Variants in MSL3B observed in about 807,000 individuals in gnomAD.
The protein encoded by MSL3B is MSL complex subunit 3 pseudogene 1.
the MSL3B span, chr2:233,866,853 G>A: frequency 8.0e-7 from 1 of 1,247,708 alleles, no homozygotes; most frequent in Non-Finnish European, 1.2e-6. Context: ...TTTTTATACT[G>A]AGCTTGTTCA....
the MSL3B span, chr2:233,866,114 T>C: frequency 3.5e-6 from 2 of 566,764 alleles, no homozygotes; most frequent in Middle Eastern, 3.0e-4. Flanking sequence ...GCAGTTGTTC[T>C]TACAGAACCA....
the MSL3B span, chr2:233,868,104 T>C: frequency 6.2e-6 from 2 of 323,416 alleles, no homozygotes; most frequent in African/African-American, 2.2e-5. Flanking sequence ...CGATTTTCAC[T>C]GGGCTCACGA....
the MSL3B span, chr2:233,867,339 C>G: frequency 1.4e-5 from 9 of 641,306 alleles, no homozygotes; most frequent in African/African-American, 1.1e-4. Context: ...TTTTTTTCTT[C>G]GATGGAGAGG....
chr2:233,866,820 G>A, the MSL3B span: 6 of 986,726 alleles, frequency 6.1e-6, no homozygotes, highest in East Asian at 1.4e-4. Flanking sequence ...TTAATTGCAA[G>A]AAAAACCTTA....
At chr2:233,867,097 T>C in the MSL3B span, 16 of 1,055,460 alleles carry the variant, frequency 1.5e-5, no homozygotes, top group East Asian at 3.8e-4. Flanking sequence ...GGCATGGAAG[T>C]TGCACTAACC....
the MSL3B span, among the ~76,000 whole-genome samples, chr2:233,867,884 G>A: frequency 7.0e-6 from 1 of 142,128 alleles, no homozygotes; most frequent in Admixed American, 7.5e-5. Context: ...TCCGCCTCCC[G>A]GGTTGAAACG....
At chr2:233,866,438 C>T in the MSL3B span, 1 of 1,249,868 alleles carries the variant, frequency 8.0e-7, no homozygotes, top group Non-Finnish European at 1.2e-6. Context: ...ATTAGTTCTT[C>T]TCCCTTCAAA....
chr2:233,864,756 C>T, the MSL3B span, among the ~76,000 whole-genome samples: 1 of 152,148 alleles, frequency 6.6e-6, no homozygotes. Context: ...AGATATGTTA[C>T]ATTTATTTTT....
chr2:233,867,480 T>A, the MSL3B span: 50 of 346,574 alleles, frequency 1.4e-4, no homozygotes, highest in East Asian at 2.7e-3. Flanking sequence ...TCTTTCTTTC[T>A]TTCTTTTTTT....
At chr2:233,866,182 G>A in the MSL3B span, 165 of 640,418 alleles carry the variant, frequency 2.6e-4, no homozygotes, top group East Asian at 5.9e-3. Flanking sequence ...CAGAGGCAGC[G>A]ACGTAAGCTG....
At chr2:233,866,243 T>A in the MSL3B span, 1 of 705,730 alleles carries the variant, frequency 1.4e-6, no homozygotes, top group African/African-American at 1.7e-5. Flanking sequence ...CACAAAGAGA[T>A]CAAAGTGCTT....
the MSL3B span, chr2:233,867,017 T>A: frequency 1.6e-6 from 2 of 1,279,344 alleles, no homozygotes; most frequent in Non-Finnish European, 2.3e-6. Context: ...AGGCCTCTCA[T>A]TGGCTGAAAA....
the MSL3B span, chr2:233,867,108 G>A: frequency 8.5e-6 from 8 of 942,618 alleles, no homozygotes; most frequent in East Asian, 1.2e-4. Flanking sequence ...TGCACTAACC[G>A]TTTCCTCCGA....
At chr2:233,867,013 C>T in the MSL3B span, 49 of 1,281,912 alleles carry the variant, frequency 3.8e-5, no homozygotes, top group Non-Finnish European at 4.9e-5. Context: ...GACGAGGCCT[C>T]TCATTGGCTG....
the MSL3B span, chr2:233,867,155 A>C: frequency 2.5e-6 from 2 of 800,118 alleles, no homozygotes; most frequent in Non-Finnish European, 4.6e-6. Context: ...CTGCCTCTTC[A>C]GAACTTCAGG....
chr2:233,865,945 A>T, the MSL3B span: 6 of 342,016 alleles, frequency 1.8e-5, no homozygotes, highest in Non-Finnish European at 1.1e-5. Context: ...GCACCTAGGA[A>T]ATAATTCTAA....
the MSL3B span, chr2:233,865,708 G>A: frequency 6.3e-6 from 1 of 159,504 alleles, no homozygotes; most frequent in Non-Finnish European, 1.4e-5. Context: ...AACCTTGTTG[G>A]ACAGTTGCTC....
the MSL3B span, chr2:233,866,716 C>T: frequency 7.6e-6 from 6 of 792,098 alleles, no homozygotes; most frequent in Non-Finnish European, 1.4e-5. Context: ...CGCTGGTCGA[C>T]TGACTCTCTG....
chr2:233,867,250 A>G, the MSL3B span: 1 of 758,490 alleles, frequency 1.3e-6, no homozygotes, highest in Non-Finnish European at 2.4e-6. Flanking sequence ...TTTCTTCAAT[A>G]TCACATTCTT....
Sources: gnomAD v4.1 joint callset for allele counts (sites outside exome capture counted in the v4.1 genomes callset) on GRCh38, gnomAD v4.1.1 for gene constraint, MANE v1.5 for transcripts, NCBI Gene and HGNC (gene_info 2026-07-23, HGNC 2026-07-21) for gene names.